Variants in RASGRF1 observed in about 807,000 individuals in gnomAD.
RASGRF1 encodes Ras protein specific guanine nucleotide releasing factor 1.
RASGRF1 carries 40 observed loss-of-function variants against 138.7 expected under a neutral mutation model. The ratio of observed to expected loss-of-function variants is 0.29; its 90% CI spans 0.22 to 0.38. RASGRF1 has a LOEUF of 0.38. RASGRF1 is among the 10% of genes least tolerant of loss of function. The probability of loss-of-function intolerance (pLI) is 1.00; values close to 1 mark genes in which losing one functional copy is unlikely to be tolerated. For synonymous variants in RASGRF1, 614 were observed against 663.2 expected (o/e 0.93, Z 1.14); for missense variants, 1,108 against 1,650.4 (o/e 0.67, Z 5.69).
intron 1 of RASGRF1, among the ~76,000 whole-genome samples, chr15:79,089,572 G>A (rs1335019504): frequency 6.6e-6 from 1 of 152,246 alleles, no homozygotes; most frequent in Non-Finnish European, 1.5e-5. Flanking sequence ...CCCTAGCCCC[G>A]GCGCATCAGA....
In RASGRF1 at chr15:78,997,674, T is replaced by C. The variant is rs1257110164; in HGVS notation, c.2966+422A>G. ...TCTCTTGAACCTGGGAGGTGGAGGT[T>C]ACAGTGAGCCAAGATCACATCACTG... On this transcript the variant is annotated intron_variant, in intron 19 of 26. Coordinates refer to ENST00000558480, the MANE Select transcript of RASGRF1 (RefSeq NM_001145648.3). Among the ~76,000 whole-genome samples the C allele has an allele frequency of 2.1e-5, 3 of 139,710 alleles. No homozygotes were observed. In the Admixed American group the frequency reaches 2.4e-4, roughly 11 times the overall value. 91.7% of individuals were successfully genotyped at this position (139,710 alleles called of 152,430 possible). A position where few individuals can be genotyped will look rare whatever the true frequency, so the allele number is the denominator to read the frequency against.
At chr15:79,025,165 C>T (rs1311598411) in intron 10 of RASGRF1, 149 bp downstream of exon 10, 2 of 859,500 alleles carry the variant, frequency 2.3e-6, no homozygotes, top group Non-Finnish European at 3.2e-6. Flanking sequence ...GCTGGCCAAA[C>T]TATGGGTTGT....
intron 26 of RASGRF1, among the ~76,000 whole-genome samples, chr15:78,964,655 C>T (rs1040559963): frequency 1.3e-5 from 2 of 152,204 alleles, no homozygotes; most frequent in African/African-American, 2.4e-5. Context: ...GCTGGATGAA[C>T]ACACAAACAC....
At chr15:79,036,524 C>T (rs980544015) in intron 5 of RASGRF1, among the ~76,000 whole-genome samples, 1 of 152,234 alleles carries the variant, frequency 6.6e-6, no homozygotes, top group Non-Finnish European at 1.5e-5. Flanking sequence ...TGCTCTGAGG[C>T]AGCCCTCCTC....
At chr15:79,083,321 T>C (rs1239548215) in intron 1 of RASGRF1, among the ~76,000 whole-genome samples, 1 of 152,214 alleles carries the variant, frequency 6.6e-6, no homozygotes, top group Non-Finnish European at 1.5e-5. Flanking sequence ...GTTGGCAGTG[T>C]TCTGGACCTC....
At chr15:79,076,627 A>G (rs1388393513) in intron 1 of RASGRF1, among the ~76,000 whole-genome samples, 6 of 152,194 alleles carry the variant, frequency 3.9e-5, no homozygotes, top group Non-Finnish European at 8.8e-5. Flanking sequence ...AGGGTCTCAG[A>G]GAAAGTGGCA....
In RASGRF1 at chr15:79,006,335, C is replaced by T; in HGVS notation, c.1926G>A (p.Arg642=). Residue 642 remains arginine (R), a synonymous_variant, in exon 14 of 27, where the codon CGG becomes CGA. Transcript: ENST00000558480. This position sits in a 1 kb window ranked among gnomAD's most constrained non-coding sequence, Gnocchi z 4.0. ...VLQIRYASVE[R]LLERLTDLRF... is the part of the protein sequence containing the mutation. The stretch of plus-strand genomic sequence containing the variant: ...GCAGGTCCGTCAGCCTCTCCAGCAG[C>T]CGCTCCACACTGGCGTAGCGGATCT... 1 of 1,614,212 alleles carries T rather than the reference C, an allele frequency of 6.2e-7. No homozygotes were observed. Among genetic ancestry groups the T allele is most frequent in the Non-Finnish European group, 8.5e-7 (1 of 1,180,044 alleles).
At chr15:79,022,464 C>G (rs12901912) in intron 10 of RASGRF1, among the ~76,000 whole-genome samples, 9 of 146,076 alleles carry the variant, frequency 6.2e-5, no homozygotes, top group African/African-American at 2.0e-4. Context: ...CAACCCCCCC[C>G]CAAAAACCCC....
intron 18 of RASGRF1, 60 bp from the exon 19 acceptor site, chr15:78,998,268 C>G: frequency 2.9e-6 from 4 of 1,401,178 alleles, no homozygotes; most frequent in Non-Finnish European, 2.0e-6. Context: ...CTGCAGTGGT[C>G]TGGGCCCAGG....
chr15:79,073,846 A>C lies in RASGRF1; in HGVS notation c.277-9320T>G, dbSNP rs2057794046. Among the ~76,000 whole-genome samples, 1 of 152,150 alleles carries C rather than the reference A, an allele frequency of 6.6e-6. No homozygotes were observed. The highest frequency in any genetic ancestry group is 2.4e-5 in the African/African-American group (1 of 41,420). ...CCAAATCACCTTGGAATTTGTTAGG[A>C]CTGTAAGTTCTTGGGCTCCACCCCA... is the stretch of plus-strand genomic sequence containing the variant. On this transcript the variant is annotated intron_variant, in intron 1 of 26. Coordinates refer to ENST00000558480, the MANE Select transcript of RASGRF1 (RefSeq NM_001145648.3). The surrounding 1 kb of genome is among the most constrained non-coding windows in gnomAD (Gnocchi z 4.2).
At chr15:79,041,070 G>T (rs2057291537) in intron 5 of RASGRF1, among the ~76,000 whole-genome samples, 3 of 152,248 alleles carry the variant, frequency 2.0e-5, no homozygotes, top group African/African-American at 4.8e-5. Context: ...GTGTATGCCA[G>T]GGGTTGGCAA....
At chr15:79,080,271 C>T (rs987721675) in intron 1 of RASGRF1, among the ~76,000 whole-genome samples, 1 of 152,210 alleles carries the variant, frequency 6.6e-6, no homozygotes, top group Non-Finnish European at 1.5e-5. Context: ...ACTCCAATTC[C>T]TTGCTGCCTG....
At chr15:79,014,794 G>A (rs907360953) in intron 13 of RASGRF1, among the ~76,000 whole-genome samples, 10 of 152,066 alleles carry the variant, frequency 6.6e-5, no homozygotes, top group Non-Finnish European at 1.2e-4. Flanking sequence ...GCACACGCCT[G>A]TAGTTCCACC....
Position 79,046,715 on chromosome 15 carries a change from C to T in RASGRF1, c.878+31G>A. The T allele has an allele frequency of 1.2e-6, 2 of 1,609,900 alleles. No homozygotes were observed. Among genetic ancestry groups the T allele is most frequent in the Non-Finnish European group, 1.7e-6 (2 of 1,176,352 alleles). ...GCGGCCAATGCTCACTAGTCTCCTT[C>T]CTGCCTTGGCCAACCTTTAGGGGTG... On this transcript the variant is annotated intron_variant, in intron 5 of 26. Coordinates refer to ENST00000558480, the MANE Select transcript of RASGRF1 (RefSeq NM_001145648.3). The surrounding 1 kb of genome is among the most constrained non-coding windows in gnomAD (Gnocchi z 5.3).
intron 1 of RASGRF1, among the ~76,000 whole-genome samples, chr15:79,072,265 A>ATTTTTTTTTTTTTTTTTTT (rs1567614777): frequency 6.4e-5 from 3 of 46,658 alleles, no homozygotes; most frequent in Non-Finnish European, 1.4e-4. Context: ...TTGATAAACA[A>ATTTTTTTTTTTTTTTTTTT]TCTTTTTTTT....
intron 5 of RASGRF1, among the ~76,000 whole-genome samples, chr15:79,039,829 G>C (rs183660651): frequency 4.6e-4 from 70 of 152,256 alleles, no homozygotes; most frequent in African/African-American, 1.6e-3. Flanking sequence ...GAGTATGGTG[G>C]TGTGATCTCG....
At chr15:78,985,404 C>A in intron 22 of RASGRF1, 200 bp from the exon 23 acceptor site, 1 of 524,336 alleles carries the variant, frequency 1.9e-6, no homozygotes, top group Non-Finnish European at 3.3e-6. Context: ...TATACATTAG[C>A]AATAATCAAT....
chr15:79,025,328 G>A lies in RASGRF1; in HGVS notation c.1528C>T (p.Leu510Phe). The A allele has an allele frequency of 6.2e-7, 1 of 1,609,744 alleles. No individual in the cohort carries two copies. Among genetic ancestry groups the A allele is most frequent in the Admixed American group, 1.7e-5 (1 of 59,764 alleles). The change falls in exon 10 of 27, where the codon CTT (leucine) becomes TTT (phenylalanine). Residue 510 changes from leucine (L) to phenylalanine (F), a missense_variant. By Grantham distance (22) the Leu-to-Phe change is conservative (BLOSUM62 0). Transcript: ENST00000558480. ...GTAGCCCTTACCTTGGTCAAGTGAA[G>A]CTTCCCTCCAGAGCCTCTGGTACAG... ...IICTRGSGGKLHLTKNGVISL... is the reference protein window; with the variant it reads ...IICTRGSGGKFHLTKNGVISL...
intron 1 of RASGRF1, among the ~76,000 whole-genome samples, chr15:79,066,267 T>C (rs900955839): frequency 6.6e-6 from 1 of 152,064 alleles, no homozygotes; most frequent in Admixed American, 6.5e-5. Context: ...CTCAGAGAGG[T>C]TGAGCTGCTT....
Sources: allele counts gnomAD v4.1 joint callset (sites outside exome capture counted in the v4.1 genomes callset), GRCh38; gene constraint gnomAD v4.1.1; non-coding constraint Gnocchi (gnomAD v3.1); transcripts MANE v1.5; gene names NCBI Gene and HGNC (gene_info 2026-07-23, HGNC 2026-07-21).